Variants in SLC43A2 observed in about 807,000 individuals in gnomAD.
SLC43A2 encodes large neutral amino acids transporter small subunit 4.
A neutral mutation model predicts 63.2 loss-of-function variants in SLC43A2; 38 were observed. The ratio of observed to expected loss-of-function variants is 0.60; its 90% CI spans 0.46 to 0.79. The LOEUF is 0.79. Ranked by LOEUF, SLC43A2 falls within the 30% of genes least tolerant of loss-of-function variation. The pLI, the probability that SLC43A2 is intolerant of heterozygous loss-of-function variation, is 0.00. For missense variants in SLC43A2, 644 were observed against 756.2 expected, an observed-to-expected ratio of 0.85 and a Z score of 1.74; for synonymous variants, 322 against 331.0, an observed-to-expected ratio of 0.97 and a Z score of 0.30.
At chr17:1,590,779 C>A in intron 9 of SLC43A2, 23 bp downstream of exon 9, 1 of 1,550,634 alleles carries the variant, frequency 6.4e-7, no homozygotes. Context: ...GTGACAGCGA[C>A]CGAGGCTGCC....
At chr17:1,576,517 C>T in intron 13 of SLC43A2, 80 bp downstream of exon 13, 1 of 1,471,740 alleles carries the variant, frequency 6.8e-7, no homozygotes, top group Non-Finnish European at 9.1e-7. Context: ...GGCCCTGAAG[C>T]CCCCGAGGGG....
Position 1,574,728 on chromosome 17 carries a change from T to C in SLC43A2, c.*876A>G, listed in dbSNP as rs1381045308. 1 of 152,300 alleles carries C rather than the reference T, an allele frequency of 6.6e-6. No individual in the cohort carries two copies. The highest frequency in any genetic ancestry group is 1.5e-5 in the Non-Finnish European group (1 of 68,120). The allele number at this position is 152,300 out of a possible 1,614,324, so 9.4% of individuals were successfully genotyped here. ...GCGGCTCCCGCCTGGTCAGTGGGGA[T>C]AAGGGCTAACTCCTAGAGCCCACCC... On this transcript the variant is annotated 3_prime_UTR_variant, in exon 14 of 14. Coordinates refer to ENST00000301335, the MANE Select transcript of SLC43A2 (RefSeq NM_152346.3).
intron 2 of SLC43A2, among the ~76,000 whole-genome samples, chr17:1,624,371 T>C (rs1598499995): frequency 6.8e-6 from 1 of 148,128 alleles, no homozygotes; most frequent in Non-Finnish European, 1.5e-5. Context: ...CCAGGAGTTT[T>C]GAGACCAGCC....
Position 1,606,807 on chromosome 17 carries a change from G to A in SLC43A2, c.501+6388C>T, listed in dbSNP as rs757320527. Among the ~76,000 whole-genome samples the A allele has an allele frequency of 2.0e-5, 3 of 152,230 alleles. No individual in the cohort carries two copies. Among genetic ancestry groups the A allele is most frequent in the Admixed American group, 6.5e-5 (1 of 15,288 alleles). On this transcript the variant is annotated intron_variant, in intron 5 of 13. Coordinates refer to ENST00000301335, the MANE Select transcript of SLC43A2 (RefSeq NM_152346.3). The surrounding 1 kb of genome is among the most constrained non-coding windows in gnomAD (Gnocchi z 4.7). The stretch of plus-strand genomic sequence containing the variant: ...CGTCCGCCCTCCACGGATGGCACGC[G>A]ATGGCCCAGGCCCTGTGCTGCAGGG...
chr17:1,614,736 G>C (rs9909877), intron 4 of SLC43A2, among the ~76,000 whole-genome samples: 1 of 152,008 alleles, frequency 6.6e-6, no homozygotes, highest in African/African-American at 2.4e-5. Flanking sequence ...GTGAGGGACT[G>C]GCTTGGTTTG....
intron 9 of SLC43A2, among the ~76,000 whole-genome samples, chr17:1,587,714 T>A (rs1192583987): frequency 6.6e-6 from 1 of 152,242 alleles, no homozygotes; most frequent in Non-Finnish European, 1.5e-5. Flanking sequence ...ATAGTATCTA[T>A]CATAAATGAT....
chr17:1,624,797 T>C (rs953883281), intron 2 of SLC43A2, among the ~76,000 whole-genome samples: 2 of 152,032 alleles, frequency 1.3e-5, no homozygotes, highest in Non-Finnish European at 2.9e-5. Context: ...CTCGGGAGGC[T>C]GAGGCGGGAG....
chr17:1,613,260 G>T lies in SLC43A2; in HGVS notation c.436C>A (p.Leu146Ile). 6.2e-7 allele frequency: 1 copy of T among 1,614,134 alleles called. No individual in the cohort carries two copies. The highest frequency in any genetic ancestry group is 1.1e-5 in the South Asian group (1 of 91,082). ...TTCAGAGCCAGGGCGATGAAGATGA[G>T]CACGGAGAGAGCTGCAGGGACATGG... ...GASKPNALSVLIFIALALNGF... is the reference protein window; with the variant it reads ...GASKPNALSVIIFIALALNGF... The change falls in exon 5 of 14, where the codon CTC becomes ATC. Residue 146 changes from leucine (L) to isoleucine (I), a missense_variant. Leu to Ile is a conservative substitution (Grantham distance 5, BLOSUM62 2). Transcript: ENST00000301335.
chr17:1,576,230 C>T (rs1426984029), intron 13 of SLC43A2, among the ~76,000 whole-genome samples: 1 of 152,004 alleles, frequency 6.6e-6, no homozygotes, highest in African/African-American at 2.4e-5. Context: ...ATTACAGGCA[C>T]CTGCCACCAC....
rs570428996 is a variant in SLC43A2 at position 1,602,025 on chromosome 17, G to A, written c.502-8746C>T. On this transcript the variant is annotated intron_variant, in intron 5 of 13. Coordinates refer to ENST00000301335, the MANE Select transcript of SLC43A2 (RefSeq NM_152346.3). ...TACCCCAGACGTGTACCGCCCTCCC[G>A]AAGGTCCAAACCAATGCAAAGGCGC... Among the ~76,000 whole-genome samples, 20 of 151,928 alleles carry A rather than the reference G, an allele frequency of 1.3e-4. No individual in the cohort carries two copies. The East Asian group carries it at 2.3e-3, about 18-fold the overall frequency.
intron 5 of SLC43A2, chr17:1,604,593 A>G: frequency 2.6e-6 from 2 of 782,032 alleles, no homozygotes; most frequent in East Asian, 2.7e-5. Flanking sequence ...GCTATTGTGC[A>G]GAACTCCTGG....
At position 1,627,743 on chromosome 17, in the gene SLC43A2, G is replaced by A. The variant is rs1368406045; in HGVS notation, c.132C>T (p.Gly44=). 1.4e-6 allele frequency: 2 copies of A among 1,432,304 alleles called. No individual in the cohort carries two copies. The highest frequency in any genetic ancestry group is 3.1e-5 in the East Asian group (1 of 32,148). 88.7% of individuals were successfully genotyped at this position (1,432,304 alleles called of 1,614,324 possible). A position where few individuals can be genotyped will look rare whatever the true frequency, so the allele number is the denominator to read the frequency against. The change falls in exon 2 of 14, where the codon GGC becomes GGT. Residue 44 remains glycine (G), a synonymous_variant. Transcript: ENST00000301335. ...GCTCGGTACACAGGTAGGAGTAAAA[G>A]CCCTCTGACTTGAGCATGATGAGCA... ...GSLLIMLKSE[G]FYSYLCTEPE... is the part of the protein sequence containing the mutation.
At chr17:1,585,810 C>A in intron 10 of SLC43A2, 103 bp downstream of exon 10, 1 of 1,603,842 alleles carries the variant, frequency 6.2e-7, no homozygotes, top group Non-Finnish European at 8.5e-7. Flanking sequence ...GAGTGCATTG[C>A]TCTCTCCCTC....
rs1419366263 is a variant in SLC43A2 at position 1,605,147 on chromosome 17, C to A, written c.501+8048G>T. The A allele has an allele frequency of 5.5e-6, 7 of 1,266,360 alleles. No homozygotes were observed. 78.4% of individuals were successfully genotyped at this position (1,266,360 alleles called of 1,614,324 possible). A position where few individuals can be genotyped will look rare whatever the true frequency, so the allele number is the denominator to read the frequency against. On this transcript the variant is annotated intron_variant, in intron 5 of 13. Coordinates refer to ENST00000301335, the MANE Select transcript of SLC43A2 (RefSeq NM_152346.3). This position sits in a 1 kb window ranked among gnomAD's most constrained non-coding sequence, Gnocchi z 4.9. The stretch of plus-strand genomic sequence containing the variant: ...CCCACAGCCCCCTCGCCGCCTCTGC[C>A]TCCGTGCGGGTCAACCTGTCCTGCC...
rs905068111 is a variant in SLC43A2, at chr17:1,575,139, G to T, written c.*465C>A. 3.8e-5 allele frequency: 7 copies of T among 184,216 alleles called. No homozygotes were observed. The East Asian group carries it at 1.1e-3, about 28-fold the overall frequency. 11.4% of individuals were successfully genotyped at this position (184,216 alleles called of 1,614,324 possible). On this transcript the variant is annotated 3_prime_UTR_variant, in exon 14 of 14. Coordinates refer to ENST00000301335, the MANE Select transcript of SLC43A2 (RefSeq NM_152346.3). Reference sequence around the variant, plus strand: ...TCCTTCCTCAGGCAGCCTCAGGCTGGCCGGGGAGGGGGTGGGGGCCAGGCG... The same window carrying T: ...TCCTTCCTCAGGCAGCCTCAGGCTGTCCGGGGAGGGGGTGGGGGCCAGGCG...
chr17:1,619,366 CGA>C (rs1382435102), intron 2 of SLC43A2, among the ~76,000 whole-genome samples: 1 of 152,132 alleles, frequency 6.6e-6, no homozygotes. Flanking sequence ...CCAAAAAGAT[CGA>C]GAGAGGAATC....
chr17:1,629,826 C>T (rs1026604813), upstream of SLC43A2, among the ~76,000 whole-genome samples: 11 of 152,338 alleles, frequency 7.2e-5, no homozygotes, highest in African/African-American at 2.6e-4. Flanking sequence ...TAAGCCCGGG[C>T]TCCGAAAGCT....
chr17:1,583,069 A>T lies in SLC43A2; in HGVS notation c.1350+135T>A. ...ACTCCAGCCTGAGCAACAGAGTTTG[A>T]CTCTGTCTCAAAAAAATAAAGAAAG... On this transcript the variant is annotated intron_variant, in intron 11 of 13. Coordinates refer to ENST00000301335, the MANE Select transcript of SLC43A2 (RefSeq NM_152346.3). This position sits in a 1 kb window ranked among gnomAD's most constrained non-coding sequence, Gnocchi z 5.5. 1.0e-6 allele frequency: 1 copy of T among 982,822 alleles called. No homozygotes were observed. Among genetic ancestry groups the T allele is most frequent in the Non-Finnish European group, 1.5e-6 (1 of 666,182 alleles). 60.9% of individuals were successfully genotyped at this position (982,822 alleles called of 1,614,324 possible). A position where few individuals can be genotyped will look rare whatever the true frequency, so the allele number is the denominator to read the frequency against.
At chr17:1,597,975 G>A (rs1024625272) in intron 5 of SLC43A2, among the ~76,000 whole-genome samples, 15 of 152,210 alleles carry the variant, frequency 9.9e-5, no homozygotes, top group African/African-American at 2.7e-4. Flanking sequence ...CGGTTCCCAA[G>A]CTCACATATT....
Sources: allele counts gnomAD v4.1 joint callset (sites outside exome capture counted in the v4.1 genomes callset), GRCh38; gene constraint gnomAD v4.1.1; non-coding constraint Gnocchi (gnomAD v3.1); transcripts MANE v1.5; gene names NCBI Gene and HGNC (gene_info 2026-07-23, HGNC 2026-07-21).